Variants in DENND1A observed in about 807,000 individuals in gnomAD.
The protein encoded by DENND1A is DENN domain-containing protein 1A.
In DENND1A, 51 loss-of-function variants were observed where a neutral mutation model predicts 113.7. The observed-to-expected ratio is 0.45, with a 90% confidence interval of 0.36 to 0.57. DENND1A has a LOEUF of 0.57. DENND1A is among the 20% of genes least tolerant of loss of function. DENND1A has a pLI of 0.00. For missense variants in DENND1A, 1,258 were observed against 1,395.9 expected (o/e 0.90, Z 1.57); for synonymous variants, 565 against 570.8 (o/e 0.99, Z 0.14).
Position 123,814,414 on chromosome 9 carries a change from G to A in DENND1A, c.89-21784C>T, listed in dbSNP as rs78285802. On this transcript the variant is annotated intron_variant, in intron 2 of 23. Transcript: ENST00000394215. ...GCAGCTGCTGTATAATTATCTTTCA[G>A]GCTGCAAATTTTCAGCATTGTACAT... Among the ~76,000 whole-genome samples the A allele has an allele frequency of 1.8e-3, 270 of 151,982 alleles. 1 individual carries two copies. The highest frequency in any genetic ancestry group is 5.5e-3 in the African/African-American group (230 of 41,462).
intron 13 of DENND1A, among the ~76,000 whole-genome samples, chr9:123,463,743 CTACAAAAA>C (rs2048716389): frequency 6.6e-6 from 1 of 151,848 alleles, no homozygotes; most frequent in Admixed American, 6.6e-5. Context: ...AACCCCATCT[CTACAAAAA>C]TACAAAAATT....
intron 22 of DENND1A, among the ~76,000 whole-genome samples, chr9:123,384,608 C>T (rs1310242629): frequency 6.6e-6 from 1 of 152,240 alleles, no homozygotes. Flanking sequence ...GGCTGTCACA[C>T]AGGCTCTTCT....
intron 1 of DENND1A, among the ~76,000 whole-genome samples, chr9:123,923,914 A>T (rs986348834): frequency 6.6e-6 from 1 of 152,244 alleles, no homozygotes; most frequent in Non-Finnish European, 1.5e-5. Context: ...CAAAAGATCC[A>T]GCAATTCCAC....
intron 13 of DENND1A, among the ~76,000 whole-genome samples, chr9:123,553,358 A>T (rs2057224697): frequency 6.6e-6 from 1 of 151,916 alleles, no homozygotes; most frequent in Non-Finnish European, 1.5e-5. Context: ...AACTTGACAG[A>T]AATCTCTGAG....
intron 13 of DENND1A, among the ~76,000 whole-genome samples, chr9:123,553,396 A>T: frequency 9.3e-6 from 1 of 108,012 alleles, no homozygotes. Context: ...CCTTTTTAAA[A>T]GCCGCCCCCC....
chr9:123,745,767 C>G (rs1297557627), intron 5 of DENND1A, among the ~76,000 whole-genome samples: 2 of 152,170 alleles, frequency 1.3e-5, no homozygotes, highest in Non-Finnish European at 2.9e-5. Context: ...ACCCCTTTAT[C>G]TCTACAATGG....
intron 5 of DENND1A, among the ~76,000 whole-genome samples, chr9:123,685,766 T>C (rs2064769825): frequency 1.3e-5 from 2 of 152,152 alleles, no homozygotes; most frequent in African/African-American, 4.8e-5. Context: ...TCTCAATATT[T>C]TCCATTGAGC....
chr9:123,836,402 T>A (rs541465051), intron 2 of DENND1A, among the ~76,000 whole-genome samples: 1 of 152,322 alleles, frequency 6.6e-6, no homozygotes, highest in Admixed American at 6.5e-5. Context: ...ATGGGTATTT[T>A]ATTCACCAGA....
intron 7 of DENND1A, 74 bp from the exon 8 acceptor site, chr9:123,667,153 ATGAT>A: frequency 7.1e-7 from 1 of 1,399,312 alleles, no homozygotes; most frequent in Non-Finnish European, 9.8e-7. Flanking sequence ...ATTCAGGTAA[ATGAT>A]TGGAAAATAT....
At chr9:123,413,660 G>C in intron 19 of DENND1A, 1 of 985,486 alleles carries the variant, frequency 1.0e-6, no homozygotes. Flanking sequence ...TGACACCGTG[G>C]CTTCCCAGAT....
chr9:123,411,363 C>T (rs991997699), intron 20 of DENND1A: 1 of 152,220 alleles, frequency 6.6e-6, no homozygotes, highest in Non-Finnish European at 1.5e-5. Flanking sequence ...ATAGCCTCCA[C>T]CCCTGGGAAG....
At chr9:123,892,165 A>G (rs776878465) in intron 1 of DENND1A, among the ~76,000 whole-genome samples, 4 of 152,250 alleles carry the variant, frequency 2.6e-5, no homozygotes, top group Non-Finnish European at 5.9e-5. Context: ...AAGCCTGCAC[A>G]AAGAACCAGC....
intron 3 of DENND1A, among the ~76,000 whole-genome samples, chr9:123,777,510 T>C (rs1472253961): frequency 2.0e-5 from 3 of 152,358 alleles, no homozygotes; most frequent in East Asian, 3.9e-4. Context: ...TAAAGGCTGC[T>C]AAAAGAAGCT....
At chr9:123,679,245 G>A (rs143352389) in intron 5 of DENND1A, among the ~76,000 whole-genome samples, 21 of 152,184 alleles carry the variant, frequency 1.4e-4, no homozygotes, top group African/African-American at 4.6e-4. Context: ...AGAATCCATC[G>A]AAGTAGTTTT....
At chr9:123,870,623 G>A (rs1189009395) in intron 2 of DENND1A, among the ~76,000 whole-genome samples, 1 of 151,968 alleles carries the variant, frequency 6.6e-6, no homozygotes, top group Non-Finnish European at 1.5e-5. Context: ...TTTTAGTAGA[G>A]ACGGGGTTTC....
chr9:123,478,102 C>A lies in DENND1A; in HGVS notation c.994-20205G>T, dbSNP rs570686861. ...GAACCTGGATTTATGATCTCCTAAT[C>A]CCCGTGTCCCTTCTGAGATAGGCAA... On this transcript the variant is annotated intron_variant, in intron 13 of 23. Coordinates refer to ENST00000394215, the MANE Select transcript of DENND1A (RefSeq NM_001352964.2). 4.6e-5 allele frequency among the ~76,000 whole-genome samples: 7 copies of A among 152,302 alleles called. No homozygotes were observed. In the East Asian group the frequency reaches 1.4e-3, roughly 29 times the overall value.
chr9:123,588,751 A>G (rs2059318786), intron 11 of DENND1A, among the ~76,000 whole-genome samples: 1 of 150,332 alleles, frequency 6.7e-6, no homozygotes, highest in Non-Finnish European at 1.5e-5. Flanking sequence ...GTGTTAAAGC[A>G]AAGTTGAAAT....
chr9:123,454,007 C>T (rs1465102516), intron 16 of DENND1A, among the ~76,000 whole-genome samples: 1 of 152,202 alleles, frequency 6.6e-6, no homozygotes, highest in Admixed American at 6.5e-5. Context: ...GCTTACTCTC[C>T]GCCAACTGCA....
intron 10 of DENND1A, among the ~76,000 whole-genome samples, chr9:123,612,205 C>T (rs183981806): frequency 4.6e-5 from 7 of 152,272 alleles, no homozygotes; most frequent in East Asian, 3.9e-4. Flanking sequence ...TATATAATTA[C>T]GAATTCCAAG....
Sources: allele counts gnomAD v4.1 joint callset (sites outside exome capture counted in the v4.1 genomes callset), GRCh38; gene constraint gnomAD v4.1.1; transcripts MANE v1.5; gene names NCBI Gene and HGNC (gene_info 2026-07-23, HGNC 2026-07-21).